UNC13C: variants seen among roughly 807,000 people sequenced by gnomAD.
The protein encoded by UNC13C is unc-13 homolog C.
A neutral mutation model predicts 245.4 loss-of-function variants in UNC13C; 174 were observed. That is an observed-to-expected ratio of 0.71 (90% CI 0.63 to 0.80). The LOEUF (loss-of-function observed/expected upper bound fraction) is 0.80, where lower values mean the gene tolerates loss of function less well. Ranked by LOEUF, UNC13C falls within the 30% of genes least tolerant of loss-of-function variation. UNC13C has a pLI of 0.00. For missense variants in UNC13C, 2,829 were observed against 2,602.9 expected, an observed-to-expected ratio of 1.09 and a Z score of -1.89; for synonymous variants, 992 against 895.1, an observed-to-expected ratio of 1.11 and a Z score of -1.93.
At chr15:54,356,636 G>C (rs926171197) in intron 17 of UNC13C, among the ~76,000 whole-genome samples, 2 of 152,052 alleles carry the variant, frequency 1.3e-5, no homozygotes, top group African/African-American at 4.8e-5. Context: ...TTAGGGCCCA[G>C]GTCTCATTCA....
At chr15:54,091,547 G>C (rs376266023) in intron 2 of UNC13C, among the ~76,000 whole-genome samples, 2 of 151,892 alleles carry the variant, frequency 1.3e-5, no homozygotes, top group South Asian at 4.1e-4. Context: ...TTCCATCTTT[G>C]TAAATTTTTA....
intron 17 of UNC13C, among the ~76,000 whole-genome samples, chr15:54,389,591 G>T (rs1487772628): frequency 6.6e-6 from 1 of 152,214 alleles, no homozygotes; most frequent in Non-Finnish European, 1.5e-5. Context: ...GTAAGTACAT[G>T]ATACTAACAT....
chr15:54,475,515 T>A (rs1892688806), intron 19 of UNC13C, among the ~76,000 whole-genome samples: 1 of 151,566 alleles, frequency 6.6e-6, no homozygotes, highest in African/African-American at 2.4e-5. Context: ...TGTCCATGTG[T>A]TCTCATTGTT....
chr15:54,050,916 T>G, intron 2 of UNC13C: 2 of 549,166 alleles, frequency 3.6e-6, no homozygotes, highest in South Asian at 2.8e-5. Flanking sequence ...GCCACTTGAT[T>G]GTATTTACTC....
At chr15:54,244,287 C>T (rs2035934396) in intron 7 of UNC13C, among the ~76,000 whole-genome samples, 1 of 151,908 alleles carries the variant, frequency 6.6e-6, no homozygotes. Flanking sequence ...GTTGAAGGTG[C>T]ATGGTCTTGT....
In UNC13C at chr15:54,014,486, A is replaced by T; in HGVS notation, c.1583A>T (p.Tyr528Phe). Residue 528 changes from tyrosine to phenylalanine, a missense_variant, in exon 2 of 33, where the codon TAT becomes TTT. Tyr to Phe is a conservative substitution (Grantham distance 22). Transcript: ENST00000260323. ...DILEKQTTTHYADATPLWHSQ... is the reference protein window; with the variant it reads ...DILEKQTTTHFADATPLWHSQ... Reference sequence around the variant, plus strand: ...TTGGAAAAGCAAACCACAACCCATTATGCAGATGCAACACCTCTCTGGCAC... The same window carrying T: ...TTGGAAAAGCAAACCACAACCCATTTTGCAGATGCAACACCTCTCTGGCAC... 1 of 1,613,816 alleles carries T rather than the reference A, an allele frequency of 6.2e-7. No individual in the cohort carries two copies.
At chr15:54,229,306 A>T (rs1222579294) in intron 4 of UNC13C, among the ~76,000 whole-genome samples, 1 of 152,172 alleles carries the variant, frequency 6.6e-6, no homozygotes, top group Non-Finnish European at 1.5e-5. Flanking sequence ...ATATGAAGTT[A>T]AAACCAAGTA....
the UNC13C span, among the ~76,000 whole-genome samples, chr15:53,882,314 T>C: frequency 0.057 from 8,671 of 152,276 alleles, 293 homozygotes; most frequent in Middle Eastern, 0.15. Flanking sequence ...ATAATATCTT[T>C]GGGATTTGCA....
intron 2 of UNC13C, among the ~76,000 whole-genome samples, chr15:54,079,921 A>C (rs1334223576): frequency 6.6e-6 from 1 of 150,750 alleles, no homozygotes; most frequent in Non-Finnish European, 1.5e-5. Flanking sequence ...ACTTTTCCCC[A>C]TTCAGTATAA....
At chr15:54,519,706 C>A (rs911349719) in intron 24 of UNC13C, among the ~76,000 whole-genome samples, 1 of 152,140 alleles carries the variant, frequency 6.6e-6, no homozygotes, top group African/African-American at 2.4e-5. Context: ...AAACAAAAAA[C>A]AGGGTAGTAT....
chr15:54,443,107 G>A (rs965867308), intron 19 of UNC13C, among the ~76,000 whole-genome samples: 1 of 151,934 alleles, frequency 6.6e-6, no homozygotes, highest in Admixed American at 6.6e-5. Context: ...TGTTGATCTG[G>A]TCAGGTTTTC....
chr15:54,102,235 A>G (rs910879280), intron 2 of UNC13C, among the ~76,000 whole-genome samples: 6 of 152,004 alleles, frequency 3.9e-5, no homozygotes, highest in Non-Finnish European at 7.4e-5. Context: ...GCATGCATAT[A>G]AACTTCTGCC....
intron 18 of UNC13C, among the ~76,000 whole-genome samples, chr15:54,409,478 A>G (rs1046709287): frequency 6.6e-6 from 1 of 152,140 alleles, no homozygotes; most frequent in Non-Finnish European, 1.5e-5. Flanking sequence ...TCCATCACCC[A>G]GATGATAAGC....
In UNC13C at chr15:54,421,905, A is replaced by G. The variant is rs148189021; in HGVS notation, c.4933+6838A>G. 1.9e-3 allele frequency among the ~76,000 whole-genome samples: 289 copies of G among 152,160 alleles called. 1 individual carries two copies. The highest frequency in any genetic ancestry group is 3.7e-3 in the Non-Finnish European group (250 of 67,976). On this transcript the variant is annotated intron_variant, in intron 19 of 32. Transcript: ENST00000260323. ...CCAGGCATTATGCTAGCAAGGCTCAATGCAACACAACAGGCATGATCCCTG... is the reference window on the plus strand; with the variant it reads ...CCAGGCATTATGCTAGCAAGGCTCAGTGCAACACAACAGGCATGATCCCTG...
At chr15:54,571,399 C>A (rs1897749501) in intron 30 of UNC13C, among the ~76,000 whole-genome samples, 1 of 152,260 alleles carries the variant, frequency 6.6e-6, no homozygotes, top group South Asian at 2.1e-4. Flanking sequence ...AAAACCCACC[C>A]CTGTGATTCA....
intron 4 of UNC13C, among the ~76,000 whole-genome samples, chr15:54,216,041 G>A (rs1257667498): frequency 3.9e-5 from 6 of 151,908 alleles, no homozygotes; most frequent in Admixed American, 3.3e-4. Context: ...AATGTACATG[G>A]TGATCCAAAT....
rs985316090 is a variant in UNC13C, at chr15:54,533,090, TCTTTA to T, written c.5696+28_5696+32del. 2.6e-6 allele frequency: 4 copies of T among 1,566,180 alleles called. No individual in the cohort carries two copies. The African/African-American group carries it at 5.4e-5, about 21-fold the overall frequency. On this transcript the variant is annotated intron_variant, in intron 26 of 32. Transcript: ENST00000260323. ...ACGTAAGTTTTTTTGCCCAGTTTTC[TCTTTA>T]CTTATTGCCCTAAATTTGACCTTTA...
chr15:53,997,714 T>A (rs1164915983), intron 1 of UNC13C, among the ~76,000 whole-genome samples: 6 of 152,184 alleles, frequency 3.9e-5, no homozygotes, highest in African/African-American at 1.2e-4. Flanking sequence ...TTCTTTTCTC[T>A]AGTTATATCA....
the UNC13C span, among the ~76,000 whole-genome samples, chr15:53,895,381 T>A: frequency 0.012 from 1,791 of 150,964 alleles, 35 homozygotes; most frequent in African/African-American, 0.041. Context: ...GAAAGAAATT[T>A]TGTGTCATGT....
Sources: allele counts gnomAD v4.1 joint callset (sites outside exome capture counted in the v4.1 genomes callset), GRCh38; gene constraint gnomAD v4.1.1; transcripts MANE v1.5; gene names NCBI Gene and HGNC (gene_info 2026-07-23, HGNC 2026-07-21).